Variants in TRPS1 observed in about 807,000 individuals in gnomAD.
The protein encoded by TRPS1 is zinc finger transcription factor Trps1.
TRPS1 carries 6 observed loss-of-function variants against 101.2 expected under a neutral mutation model. That is an observed-to-expected ratio of 0.06 (90% CI 0.03 to 0.12). The LOEUF is 0.12. Ranked by LOEUF, TRPS1 falls within the 10% of genes least tolerant of loss-of-function variation. TRPS1 has a pLI of 1.00. For missense variants in TRPS1, 1,363 were observed against 1,567.0 expected (o/e 0.87, Z 2.20); for synonymous variants, 578 against 589.8 (o/e 0.98, Z 0.29).
chr8:115,511,996 T>A (rs1054900533), intron 5 of TRPS1, among the ~76,000 whole-genome samples: 2 of 151,798 alleles, frequency 1.3e-5, no homozygotes, highest in Middle Eastern at 3.2e-3. Context: ...TTAGAAACTA[T>A]CGCATCAACG....
chr8:115,547,983 C>A (rs1184652894), intron 5 of TRPS1, among the ~76,000 whole-genome samples: 1 of 151,876 alleles, frequency 6.6e-6, no homozygotes, highest in Non-Finnish European at 1.5e-5. Context: ...GTAATCCCAG[C>A]ACTTTGAGAG....
intron 5 of TRPS1, among the ~76,000 whole-genome samples, chr8:115,516,184 C>T (rs535628533): frequency 0.12 from 128 of 1,090 alleles, no homozygotes; most frequent in African/African-American, 0.29. Flanking sequence ...AAAATTATCA[C>T]CGTAGGTTTT....
chr8:115,582,896 C>A (rs1352426458), intron 5 of TRPS1, among the ~76,000 whole-genome samples: 1 of 152,128 alleles, frequency 6.6e-6, no homozygotes, highest in African/African-American at 2.4e-5. Flanking sequence ...TATGGAAGAA[C>A]CTGAGCTACA....
rs139149350 is a variant in TRPS1 at position 115,630,467 on chromosome 8, G to C, written c.-121-6709C>G. Among the ~76,000 whole-genome samples, 237 of 151,990 alleles carry C rather than the reference G, an allele frequency of 1.6e-3. 3 individuals are homozygous for C. The highest frequency in any genetic ancestry group is 0.015 in the South Asian group (72 of 4,822). ...CTTGTTGTGGACCCCTATCATAACA[G>C]AGTAAGGGAAATACACATATATAAT... On this transcript the variant is annotated intron_variant, in intron 1 of 6. Coordinates refer to ENST00000395715, the MANE Select transcript of TRPS1 (RefSeq NM_014112.5).
At chr8:115,509,580 T>G (rs1183485680) in intron 5 of TRPS1, 1 of 152,062 alleles carries the variant, frequency 6.6e-6, no homozygotes, top group Non-Finnish European at 1.5e-5. Context: ...TCAAGACTAA[T>G]TAATGTTCTT....
chr8:115,444,143 C>G (rs537466353), intron 5 of TRPS1, among the ~76,000 whole-genome samples: 1 of 152,318 alleles, frequency 6.6e-6, no homozygotes, highest in Admixed American at 6.5e-5. Flanking sequence ...CACATGCCAG[C>G]TACAAAGACT....
At chr8:115,629,275 A>G (rs747846023) in intron 1 of TRPS1, among the ~76,000 whole-genome samples, 5 of 151,866 alleles carry the variant, frequency 3.3e-5, no homozygotes, top group Admixed American at 1.3e-4. Flanking sequence ...TTTTTCCAGA[A>G]GAGCTATCTA....
rs551875819 is a variant in TRPS1, at chr8:115,556,728, T to A, written c.2700+30273A>T. On this transcript the variant is annotated intron_variant, in intron 5 of 6. Coordinates refer to ENST00000395715, the MANE Select transcript of TRPS1 (RefSeq NM_014112.5). ...CAGCAAATCTGGCAACTTAATGAAG[T>A]TGGGAACACTTCTGTCTAAGATCTC... Among the ~76,000 whole-genome samples the A allele has an allele frequency of 2.6e-5, 4 of 152,272 alleles. No homozygotes were observed. In the South Asian group the frequency reaches 8.3e-4, roughly 32 times the overall value.
At chr8:115,562,180 T>C (rs1265279052) in intron 5 of TRPS1, among the ~76,000 whole-genome samples, 3 of 152,032 alleles carry the variant, frequency 2.0e-5, no homozygotes, top group Non-Finnish European at 4.4e-5. Flanking sequence ...TTTTAAAAAA[T>C]AGACCAATGA....
intron 5 of TRPS1, among the ~76,000 whole-genome samples, chr8:115,535,262 T>G (rs1237425076): frequency 7.1e-6 from 1 of 140,598 alleles, no homozygotes; most frequent in South Asian, 2.2e-4. Flanking sequence ...AGCATATATA[T>G]AGCATATATA....
At chr8:115,536,973 C>T (rs1015657531) in intron 5 of TRPS1, among the ~76,000 whole-genome samples, 1 of 152,002 alleles carries the variant, frequency 6.6e-6, no homozygotes, top group African/African-American at 2.4e-5. Context: ...TGTTTTGACA[C>T]ATTAGCAAAA....
At chr8:115,615,487 T>A (rs1818256617) in intron 3 of TRPS1, among the ~76,000 whole-genome samples, 1 of 152,124 alleles carries the variant, frequency 6.6e-6, no homozygotes, top group South Asian at 2.1e-4. Context: ...AGAAAGAAGC[T>A]AGCAGGGCGC....
Position 115,587,150 on chromosome 8 carries a change from G to C in TRPS1, c.2551C>G (p.Leu851Val), listed in dbSNP as rs1817578896. 2 of 1,614,072 alleles carry C rather than the reference G, an allele frequency of 1.2e-6. No individual in the cohort carries two copies. Among genetic ancestry groups the C allele is most frequent in the Non-Finnish European group, 1.7e-6 (2 of 1,180,022 alleles). Residue 851 changes from leucine (L) to valine (V), a missense_variant, in exon 5 of 7, where the codon CTG (leucine) becomes GTG (valine). Leu to Val is a conservative substitution (Grantham distance 32, BLOSUM62 1). Coordinates refer to ENST00000395715, the MANE Select transcript of TRPS1 (RefSeq NM_014112.5). Reference protein sequence around the residue: ...RDSPNVEAAHLARPIYGLAVE... With the variant: ...RDSPNVEAAHVARPIYGLAVE... ...GCCAAGCCATAAATAGGTCGCGCCA[G>C]ATGGGCGGCCTCCACATTGGGACTA... is the stretch of plus-strand genomic sequence containing the variant.
chr8:115,609,590 C>T (rs1379490343), intron 3 of TRPS1, among the ~76,000 whole-genome samples: 2 of 152,184 alleles, frequency 1.3e-5, no homozygotes, highest in Admixed American at 1.3e-4. Flanking sequence ...CTGACTTGAC[C>T]TGGCATACAT....
rs143220712 is a variant in TRPS1 at position 115,464,113 on chromosome 8, A to AT, written c.2701-45662dup. ...ACAAAATCACCAAATAGCTGTCTTGATTTTTTTTTGCATTTCAAAGTCAGC... is the reference window on the plus strand; with the variant it reads ...ACAAAATCACCAAATAGCTGTCTTGATTTTTTTTTTGCATTTCAAAGTCAGC... On this transcript the variant is annotated intron_variant, in intron 5 of 6. Coordinates refer to ENST00000395715, the MANE Select transcript of TRPS1 (RefSeq NM_014112.5). Among the ~76,000 whole-genome samples, 1,099 of 151,174 alleles carry AT rather than the reference A, an allele frequency of 7.3e-3. 15 individuals carry two copies. The highest frequency in any genetic ancestry group is 0.024 in the African/African-American group (982 of 41,240).
chr8:115,522,735 T>C (rs1032876672), intron 5 of TRPS1, among the ~76,000 whole-genome samples: 7 of 152,142 alleles, frequency 4.6e-5, no homozygotes, highest in Non-Finnish European at 1.0e-4. Context: ...TTCGACATAT[T>C]TTTAATAACT....
intron 5 of TRPS1, among the ~76,000 whole-genome samples, chr8:115,456,622 T>C (rs753619425): frequency 1.3e-5 from 2 of 152,146 alleles, no homozygotes; most frequent in Non-Finnish European, 2.9e-5. Context: ...ACCTTAAGAC[T>C]TGTACATTGG....
intron 5 of TRPS1, among the ~76,000 whole-genome samples, chr8:115,519,444 A>G (rs894870422): frequency 2.2e-4 from 33 of 151,758 alleles, no homozygotes; most frequent in African/African-American, 7.9e-4. Flanking sequence ...ATAAACTAAA[A>G]TCTCATAAAA....
At chr8:115,514,312 A>T (rs1023090145) in intron 5 of TRPS1, among the ~76,000 whole-genome samples, 4 of 151,656 alleles carry the variant, frequency 2.6e-5, no homozygotes, top group South Asian at 4.1e-4. Context: ...GTAACACAAT[A>T]ATGAGGGGAT....
Sources: gnomAD v4.1 joint callset for allele counts (sites outside exome capture counted in the v4.1 genomes callset) on GRCh38, gnomAD v4.1.1 for gene constraint, MANE v1.5 for transcripts, NCBI Gene and HGNC (gene_info 2026-07-23, HGNC 2026-07-21) for gene names.